The following TOM1L2 variants were observed in gnomAD, a reference collection of about 807,000 sequenced individuals.
The protein encoded by TOM1L2 is TOM1-like protein 2.
A neutral mutation model predicts 67.9 loss-of-function variants in TOM1L2; 31 were observed. The ratio of observed to expected loss-of-function variants is 0.46; its 90% CI spans 0.34 to 0.62. The LOEUF is 0.62. Among genes scored for constraint, TOM1L2 ranks in the 20% least tolerant of loss-of-function variants. TOM1L2 has a pLI of 0.01. For missense variants in TOM1L2, 606 were observed against 663.5 expected (o/e 0.91, Z 0.95); for synonymous variants, 256 against 254.0 (o/e 1.01, Z -0.07).
At chr17:17,876,952 C>A (rs2037455709) in intron 7 of TOM1L2, among the ~76,000 whole-genome samples, 1 of 152,080 alleles carries the variant, frequency 6.6e-6, no homozygotes, top group African/African-American at 2.4e-5. Context: ...TGGAAGGTCT[C>A]TCCCAACTCA....
intron 4 of TOM1L2, among the ~76,000 whole-genome samples, chr17:17,891,110 T>C (rs2038248958): frequency 6.6e-6 from 1 of 152,222 alleles, no homozygotes; most frequent in African/African-American, 2.4e-5. Context: ...CAGGAAACTG[T>C]CCAGCCAGGC....
intron 4 of TOM1L2, 114 bp downstream of exon 4, chr17:17,893,547 A>G: frequency 1.9e-6 from 2 of 1,040,700 alleles, no homozygotes; most frequent in Non-Finnish European, 2.8e-6. Context: ...AATATTTTAA[A>G]TGTAGAAGTC....
intron 12 of TOM1L2, among the ~76,000 whole-genome samples, chr17:17,856,627 C>T (rs1005534299): frequency 2.0e-5 from 3 of 152,332 alleles, no homozygotes; most frequent in South Asian, 2.1e-4. Flanking sequence ...GTTATGTATT[C>T]CTCTCACCCC....
chr17:17,845,397 AAC>A lies in TOM1L2; in HGVS notation c.*2236_*2237del, dbSNP rs1029021099. 1.2e-4 allele frequency: 18 copies of A among 152,180 alleles called. No individual in the cohort carries two copies. The highest frequency in any genetic ancestry group is 4.3e-4 in the African/African-American group (18 of 41,426). 9.4% of individuals were successfully genotyped at this position (152,180 alleles called of 1,614,324 possible). A position where few individuals can be genotyped will look rare whatever the true frequency, so the allele number is the denominator to read the frequency against. ...GGCAGTTCTGGGAGTGGGTATGAAA[AAC>A]AGTTTTGCTGGGGGCTCCCCAGGAG... is the stretch of plus-strand genomic sequence containing the variant. On this transcript the variant is annotated 3_prime_UTR_variant, in exon 15 of 15. Coordinates refer to ENST00000379504, the MANE Select transcript of TOM1L2 (RefSeq NM_001082968.2).
At chr17:17,878,811 G>T (rs1370737572) in intron 7 of TOM1L2, among the ~76,000 whole-genome samples, 6 of 152,240 alleles carry the variant, frequency 3.9e-5, no homozygotes, top group Admixed American at 3.3e-4. Context: ...CCACCCTCCA[G>T]AAGGTCACTG....
At chr17:17,914,164 G>A (rs778378450) in intron 1 of TOM1L2, among the ~76,000 whole-genome samples, 2 of 152,210 alleles carry the variant, frequency 1.3e-5, no homozygotes, top group Non-Finnish European at 2.9e-5. Flanking sequence ...CAGAGGAGGG[G>A]TGTTCAGAGA....
intron 1 of TOM1L2, among the ~76,000 whole-genome samples, chr17:17,926,694 C>A (rs1159313754): frequency 5.3e-5 from 8 of 151,916 alleles, no homozygotes; most frequent in Non-Finnish European, 1.0e-4. Context: ...TCCATCTTTA[C>A]AAAATATACA....
chr17:17,921,792 G>A (rs1484674027), intron 1 of TOM1L2, among the ~76,000 whole-genome samples: 3 of 152,070 alleles, frequency 2.0e-5, no homozygotes, highest in African/African-American at 7.2e-5. Flanking sequence ...TCTTCCTCTC[G>A]GCCTCTTCGT....
chr17:17,885,878 T>A (rs2037970279), intron 4 of TOM1L2, among the ~76,000 whole-genome samples: 1 of 127,186 alleles, frequency 7.9e-6, no homozygotes, highest in South Asian at 2.4e-4. Flanking sequence ...TGAGCTGAGA[T>A]GGCGCCACTG....
At chr17:17,891,698 T>C (rs751412899) in intron 4 of TOM1L2, among the ~76,000 whole-genome samples, 19 of 151,910 alleles carry the variant, frequency 1.3e-4, no homozygotes, top group Non-Finnish European at 2.6e-4. Flanking sequence ...CATGAATTCC[T>C]GGGGGTATTG....
At chr17:17,940,656 G>A (rs2040695314) in intron 1 of TOM1L2, among the ~76,000 whole-genome samples, 1 of 152,218 alleles carries the variant, frequency 6.6e-6, no homozygotes, top group African/African-American at 2.4e-5. Context: ...ATGCCATTCC[G>A]ATGAAGTTCA....
At position 17,939,669 on chromosome 17, in the gene TOM1L2, C is replaced by T. The variant is rs187605819; in HGVS notation, c.53-32138G>A. ...AGTTCATTATACTATTCTACTTTTG[C>T]ATGTTTAAAATTTTCTATAACACAA... On this transcript the variant is annotated intron_variant, in intron 1 of 14. Transcript: ENST00000379504. Among the ~76,000 whole-genome samples the T allele has an allele frequency of 1.0e-3, 156 of 152,204 alleles. 1 individual carries two copies. The highest frequency in any genetic ancestry group is 3.5e-3 in the African/African-American group (146 of 41,524).
chr17:17,894,854 C>T (rs550399091), intron 3 of TOM1L2, among the ~76,000 whole-genome samples: 13 of 152,286 alleles, frequency 8.5e-5, no homozygotes, highest in Admixed American at 7.8e-4. Context: ...TCGCTTGAAC[C>T]TGGGAGGTGG....
intron 2 of TOM1L2, among the ~76,000 whole-genome samples, chr17:17,900,992 C>G (rs1482511135): frequency 6.6e-6 from 1 of 152,104 alleles, no homozygotes; most frequent in Non-Finnish European, 1.5e-5. Context: ...CGCCTGAGGG[C>G]TGCAATCATT....
In TOM1L2 at chr17:17,857,312, TA is replaced by T. The variant is rs533540289; in HGVS notation, c.1278+4163del. Among the ~76,000 whole-genome samples the T allele has an allele frequency of 1.9e-3, 293 of 152,316 alleles. 1 individual carries two copies. Among genetic ancestry groups the T allele is most frequent in the Non-Finnish European group, 3.0e-3 (204 of 68,034 alleles). On this transcript the variant is annotated intron_variant, in intron 12 of 14. Transcript: ENST00000379504. ...CGGACTTAGTGGATATAAGCAACTA[TA>T]TTATAAAAATCTGTCAAGCCTAGGA...
intron 1 of TOM1L2, among the ~76,000 whole-genome samples, chr17:17,943,368 G>T (rs2040813677): frequency 2.0e-5 from 3 of 152,120 alleles, no homozygotes; most frequent in Admixed American, 6.5e-5. Flanking sequence ...TCTCTATAGG[G>T]GTCAGATAGT....
intron 1 of TOM1L2, among the ~76,000 whole-genome samples, chr17:17,914,297 G>T (rs1427493213): frequency 6.6e-6 from 1 of 152,208 alleles, no homozygotes; most frequent in African/African-American, 2.4e-5. Context: ...TGCTGTCTCA[G>T]TGGCTACATT....
chr17:17,849,031 T>C, intron 13 of TOM1L2, 172 bp from the exon 14 acceptor site: 1 of 560,324 alleles, frequency 1.8e-6, no homozygotes, highest in East Asian at 3.1e-5. Flanking sequence ...ACTGCTCTTC[T>C]TATTGGAGAA....
intron 1 of TOM1L2, among the ~76,000 whole-genome samples, chr17:17,911,645 C>CT (rs141171530): frequency 3.7e-4 from 53 of 145,112 alleles, no homozygotes; most frequent in African/African-American, 7.0e-4. Flanking sequence ...GCTGGAAATT[C>CT]TTTTTTTTTT....
Sources: allele counts gnomAD v4.1 joint callset (sites outside exome capture counted in the v4.1 genomes callset), GRCh38; gene constraint gnomAD v4.1.1; transcripts MANE v1.5; gene names NCBI Gene and HGNC (gene_info 2026-07-23, HGNC 2026-07-21).